The following XKR9 variants were observed in gnomAD, a reference collection of about 807,000 sequenced individuals.
The protein encoded by XKR9 is XK-related protein 9.
XKR9 carries 32 observed loss-of-function variants against 32.0 expected under a neutral mutation model. The observed-to-expected ratio is 1.00, with a 90% CI of 0.76 to 1.34. The LOEUF (loss-of-function observed/expected upper bound fraction) is 1.34. Among genes scored for constraint, XKR9 ranks in the 40% most tolerant of loss-of-function variants. The probability of loss-of-function intolerance (pLI) is 0.00; values close to 1 mark genes in which losing one functional copy is unlikely to be tolerated. For missense variants in XKR9, 546 were observed against 429.7 expected, an observed-to-expected ratio of 1.27 and a Z score of -2.39; for synonymous variants, 168 against 143.4, an observed-to-expected ratio of 1.17 and a Z score of -1.22.
the XKR9 span, among the ~76,000 whole-genome samples, chr8:71,037,947 G>T: frequency 6.6e-6 from 1 of 152,114 alleles, no homozygotes; most frequent in African/African-American, 2.4e-5. Context: ...ACATAAAAAT[G>T]TACACGAAAT....
At chr8:70,737,828 CATGGTGGAT>C (rs1806892929), downstream of XKR9, among the ~76,000 whole-genome samples, 11 of 121,888 alleles carry the variant, frequency 9.0e-5, no homozygotes, top group South Asian at 2.7e-3. Flanking sequence ...CCCACTTGAT[CATGGTGGAT>C]AAGCTTTTTG....
At chr8:70,841,161 A>G in the XKR9 span, among the ~76,000 whole-genome samples, 1 of 152,140 alleles carries the variant, frequency 6.6e-6, no homozygotes, top group Admixed American at 6.5e-5. Flanking sequence ...TGTAAGTTTG[A>G]TACAATCATA....
the XKR9 span, among the ~76,000 whole-genome samples, chr8:71,024,794 C>G: frequency 6.6e-6 from 1 of 152,192 alleles, no homozygotes; most frequent in African/African-American, 2.4e-5. Flanking sequence ...CATCTGCCTC[C>G]CTTTCCTCTC....
At chr8:70,767,326 G>T (rs1048008593) in intron 2 of XKR9, among the ~76,000 whole-genome samples, 1 of 151,978 alleles carries the variant, frequency 6.6e-6, no homozygotes, top group African/African-American at 2.4e-5. Context: ...GCTTAGTCTT[G>T]GGAGGGTGTA....
At chr8:70,971,773 G>GCTT in the XKR9 span, among the ~76,000 whole-genome samples, 706 of 152,118 alleles carry the variant, frequency 4.6e-3, 8 homozygotes, top group African/African-American at 0.016. Flanking sequence ...TTGGGTGTAA[G>GCTT]TATTTTGCTT....
At chr8:71,063,926 G>A in the XKR9 span, among the ~76,000 whole-genome samples, 1 of 152,166 alleles carries the variant, frequency 6.6e-6, no homozygotes, top group Non-Finnish European at 1.5e-5. Flanking sequence ...GAAGAACGGG[G>A]TATGTATTTC....
the XKR9 span, among the ~76,000 whole-genome samples, chr8:70,847,118 A>T: frequency 2.6e-5 from 4 of 152,024 alleles, no homozygotes; most frequent in Admixed American, 1.3e-4. Flanking sequence ...AAAATTTTTT[A>T]AAAATTAAAT....
At chr8:70,883,974 A>C in the XKR9 span, among the ~76,000 whole-genome samples, 3 of 152,216 alleles carry the variant, frequency 2.0e-5, no homozygotes, top group Non-Finnish European at 2.9e-5. Flanking sequence ...TGTCTTTCAA[A>C]ATGGCTGTAC....
At chr8:70,792,662 G>A (rs1451106493), downstream of XKR9, among the ~76,000 whole-genome samples, 2 of 152,144 alleles carry the variant, frequency 1.3e-5, no homozygotes, top group Non-Finnish European at 2.9e-5. Context: ...AGAGATGGGT[G>A]TGGGGGCAGT....
the XKR9 span, among the ~76,000 whole-genome samples, chr8:70,861,839 T>C: frequency 3.3e-5 from 5 of 152,200 alleles, no homozygotes; most frequent in Non-Finnish European, 5.9e-5. Context: ...CACCAAATTG[T>C]TATTTTTTGT....
chr8:70,759,091 C>T (rs1402537501), intron 2 of XKR9, among the ~76,000 whole-genome samples: 3 of 152,236 alleles, frequency 2.0e-5, no homozygotes, highest in South Asian at 2.1e-4. Context: ...GGTTAGTGCC[C>T]GGACTATACA....
the XKR9 span, among the ~76,000 whole-genome samples, chr8:70,869,223 C>T: frequency 6.6e-6 from 1 of 152,164 alleles, no homozygotes; most frequent in Admixed American, 6.5e-5. Flanking sequence ...AGCAGTGCCC[C>T]ACTCTACTGG....
intron 3 of XKR9, among the ~76,000 whole-genome samples, chr8:70,704,462 A>G (rs192613214): frequency 6.6e-6 from 1 of 152,172 alleles, no homozygotes; most frequent in Non-Finnish European, 1.5e-5. Context: ...AGCATTTTAC[A>G]TATATTAACT....
the XKR9 span, among the ~76,000 whole-genome samples, chr8:71,009,166 G>T: frequency 1.3e-5 from 2 of 152,070 alleles, no homozygotes; most frequent in Non-Finnish European, 2.9e-5. Flanking sequence ...TAAGGTACTG[G>T]GACTATGGAG....
chr8:70,732,688 A>G (rs944605374), intron 4 of XKR9, among the ~76,000 whole-genome samples: 3 of 152,262 alleles, frequency 2.0e-5, no homozygotes, highest in Non-Finnish European at 2.9e-5. Flanking sequence ...ATCAGTCTCC[A>G]GTAGAGTTTG....
the XKR9 span, among the ~76,000 whole-genome samples, chr8:71,006,634 A>T: frequency 1.3e-5 from 2 of 152,170 alleles, no homozygotes; most frequent in Non-Finnish European, 2.9e-5. Context: ...TAATCAACTT[A>T]TTTTTAGGGA....
At chr8:70,961,815 A>G in the XKR9 span, among the ~76,000 whole-genome samples, 1 of 152,132 alleles carries the variant, frequency 6.6e-6, no homozygotes, top group East Asian at 1.9e-4. Context: ...TGTGTGTAGT[A>G]TGTTTTTGTG....
At chr8:70,793,380 T>A (rs1196720433), downstream of XKR9, among the ~76,000 whole-genome samples, 1 of 151,928 alleles carries the variant, frequency 6.6e-6, no homozygotes, top group Non-Finnish European at 1.5e-5. Flanking sequence ...GATTAATGAG[T>A]TATTTTGGGA....
chr8:70,852,682 G>A, the XKR9 span, among the ~76,000 whole-genome samples: 2 of 152,140 alleles, frequency 1.3e-5, no homozygotes, highest in Non-Finnish European at 2.9e-5. Context: ...AAAAGAATGA[G>A]TTCATGTTTT....
Sources: gnomAD v4.1 joint callset for allele counts (sites outside exome capture counted in the v4.1 genomes callset) on GRCh38, gnomAD v4.1.1 for gene constraint, MANE v1.5 for transcripts, NCBI Gene and HGNC (gene_info 2026-07-23, HGNC 2026-07-21) for gene names.